SHANK2: variants seen among roughly 807,000 people sequenced by gnomAD.
The protein encoded by SHANK2 is SH3 and multiple ankyrin repeat domains protein 2.
SHANK2 carries 43 observed loss-of-function variants against 133.7 expected under a neutral mutation model. The ratio of observed to expected loss-of-function variants is 0.32; its 90% confidence interval spans 0.25 to 0.41. The LOEUF (loss-of-function observed/expected upper bound fraction) is 0.41, where lower values mean the gene tolerates loss of function less well. Among genes scored for constraint, SHANK2 ranks in the 10% least tolerant of loss-of-function variants. The pLI is 1.00. For synonymous variants in SHANK2, 1,017 were observed against 952.8 expected (o/e 1.07, Z -1.24); for missense variants, 1,994 against 2,235.8 (o/e 0.89, Z 2.18).
Position 70,807,018 on chromosome 11 carries a change from G to A in SHANK2, c.1647C>T (p.Arg549=), listed in dbSNP as rs781896491. Residue 549 remains arginine, a synonymous_variant, in exon 13 of 26, where the codon CGC becomes CGT. Coordinates refer to ENST00000601538, the MANE Select transcript of SHANK2 (RefSeq NM_012309.5). This position sits in a 1 kb window ranked among gnomAD's most constrained non-coding sequence, Gnocchi z 4.8. ...GACACTGACCTTTGACCCTGTCACC[G>A]CGGTGAAGGGGGATCTCGCCGTCCA... is the stretch of plus-strand genomic sequence containing the variant. ...PQVDGEIPLH[R]GDRVKVLSIG... 162 of 717,674 alleles carry A rather than the reference G, an allele frequency of 2.3e-4. 1 individual carries two copies. The Middle Eastern group carries it at 8.7e-3, about 39-fold the overall frequency. 44.5% of individuals were successfully genotyped at this position (717,674 alleles called of 1,614,324 possible). A position where few individuals can be genotyped will look rare whatever the true frequency, so the allele number is the denominator to read the frequency against.
In SHANK2 at chr11:70,500,632, A is replaced by T. The variant is rs2059036388; in HGVS notation, c.2288-42T>A. Reference sequence around the variant, plus strand: ...GGACCGCCATGAGCCACCAGGATGCAGCGCCCGCCCGCAGCCTACACTCGG... The same window carrying T: ...GGACCGCCATGAGCCACCAGGATGCTGCGCCCGCCCGCAGCCTACACTCGG... On this transcript the variant is annotated intron_variant, in intron 20 of 25. Coordinates refer to ENST00000601538, the MANE Select transcript of SHANK2 (RefSeq NM_012309.5). This position sits in a 1 kb window ranked among gnomAD's most constrained non-coding sequence, Gnocchi z 4.5. The T allele has an allele frequency of 6.3e-7, 1 of 1,589,494 alleles. No homozygotes were observed. Among genetic ancestry groups the T allele is most frequent in the South Asian group, 1.1e-5 (1 of 87,162 alleles).
At chr11:71,109,536 G>A (rs975670079) in intron 6 of SHANK2, among the ~76,000 whole-genome samples, 17 of 152,220 alleles carry the variant, frequency 1.1e-4, no homozygotes, top group Non-Finnish European at 2.9e-5. Flanking sequence ...AGATGCATGG[G>A]TGCAGATGCC....
rs188796132 is a variant in SHANK2, at chr11:70,888,771, C to T, written c.1174+7730G>A. 3.6e-4 allele frequency among the ~76,000 whole-genome samples: 55 copies of T among 151,780 alleles called. 1 individual carries two copies. In the East Asian group the frequency reaches 5.4e-3, roughly 15 times the overall value. On this transcript the variant is annotated intron_variant, in intron 11 of 25. Transcript: ENST00000601538. ...GGTGGAGGTTGAAGTGAACTGAAAC[C>T]GCTCCACTGTACTCCAGCCTGGGCG... is the stretch of plus-strand genomic sequence containing the variant.
At chr11:71,176,396 A>T (rs527983772) in intron 2 of SHANK2, among the ~76,000 whole-genome samples, 2 of 152,342 alleles carry the variant, frequency 1.3e-5, no homozygotes, top group South Asian at 4.1e-4. Flanking sequence ...AGAAAATATG[A>T]CCCATAATGA....
At chr11:70,700,159 A>G (rs1292193579) in intron 14 of SHANK2, among the ~76,000 whole-genome samples, 2 of 152,078 alleles carry the variant, frequency 1.3e-5, no homozygotes, top group Non-Finnish European at 2.9e-5. Context: ...CCCCTTCCAC[A>G]CTGCTCCCCA....
intron 6 of SHANK2, among the ~76,000 whole-genome samples, chr11:71,101,793 G>A (rs1217339288): frequency 3.9e-5 from 6 of 152,196 alleles, no homozygotes; most frequent in South Asian, 4.1e-4. Context: ...CTAACTGAGC[G>A]GTGCGGGAGC....
At chr11:70,614,381 G>A (rs1490175113) in intron 17 of SHANK2, among the ~76,000 whole-genome samples, 2 of 151,036 alleles carry the variant, frequency 1.3e-5, no homozygotes, top group Non-Finnish European at 2.9e-5. Flanking sequence ...CGTGATCTCA[G>A]CTCACTGTAA....
At chr11:70,648,869 T>C (rs1053898787) in intron 17 of SHANK2, among the ~76,000 whole-genome samples, 7 of 152,138 alleles carry the variant, frequency 4.6e-5, no homozygotes, top group African/African-American at 1.4e-4. Context: ...TGGCCTGCCA[T>C]GTGCTCGGCT....
At chr11:70,730,098 C>T in intron 14 of SHANK2, among the ~76,000 whole-genome samples, 1 of 151,964 alleles carries the variant, frequency 6.6e-6, no homozygotes, top group East Asian at 1.9e-4. Context: ...CTTAGAAGGG[C>T]CTTGGAGAGG....
chr11:71,141,573 G>A (rs1952554849), intron 3 of SHANK2, among the ~76,000 whole-genome samples: 2 of 152,090 alleles, frequency 1.3e-5, no homozygotes, highest in Admixed American at 1.3e-4. Context: ...ATAATTGTGA[G>A]GCCTCCCCAG....
Position 70,529,060 on chromosome 11 carries a change from T to TG in SHANK2, c.2062-26130dup, listed in dbSNP as rs373986153. ...GAGCCTGGCTTGGGGCGGAACTCAG[T>TG]GGGGTTCAGACACCCTGGTCACTTA... is the stretch of plus-strand genomic sequence containing the variant. On this transcript the variant is annotated intron_variant, in intron 17 of 25. Transcript: ENST00000601538. Among the ~76,000 whole-genome samples the TG allele has an allele frequency of 6.8e-4, 103 of 152,058 alleles. 1 individual carries two copies. Among genetic ancestry groups the TG allele is most frequent in the African/African-American group, 2.1e-3 (89 of 41,492 alleles).
intron 2 of SHANK2, among the ~76,000 whole-genome samples, chr11:71,170,679 G>A (rs1298178246): frequency 6.6e-6 from 1 of 152,218 alleles, no homozygotes; most frequent in East Asian, 1.9e-4. Flanking sequence ...GGTGGGCACT[G>A]AGGGATGTGT....
chr11:71,147,110 C>T lies in SHANK2; in HGVS notation c.207+10G>A, dbSNP rs1555106833. On this transcript the variant is annotated intron_variant, in intron 3 of 25. Coordinates refer to ENST00000601538, the MANE Select transcript of SHANK2 (RefSeq NM_012309.5). Reference sequence around the variant, plus strand: ...CAGATGTGAACCAAAGGGCAGACCACGGGGCTCACCGTCTGCTGCAGGTCA... The same window carrying T: ...CAGATGTGAACCAAAGGGCAGACCATGGGGCTCACCGTCTGCTGCAGGTCA... 3 of 1,542,116 alleles carry T rather than the reference C, an allele frequency of 1.9e-6. No homozygotes were observed. Among genetic ancestry groups the T allele is most frequent in the South Asian group, 1.2e-5 (1 of 83,534 alleles).
intron 2 of SHANK2, among the ~76,000 whole-genome samples, chr11:71,199,238 T>C (rs1555116691): frequency 6.6e-6 from 1 of 152,198 alleles, no homozygotes; most frequent in East Asian, 1.9e-4. Context: ...CCCCTCCAAC[T>C]GTAAAATGGG....
chr11:71,063,479 C>T (rs1372818335), intron 9 of SHANK2, among the ~76,000 whole-genome samples: 4 of 152,184 alleles, frequency 2.6e-5, no homozygotes, highest in South Asian at 2.1e-4. Flanking sequence ...CCCATCTACC[C>T]GCTCCTTCTG....
intron 5 of SHANK2, among the ~76,000 whole-genome samples, chr11:71,113,046 C>T (rs560873744): frequency 2.6e-5 from 4 of 152,292 alleles, no homozygotes; most frequent in South Asian, 4.1e-4. Context: ...CCTGGAGCAG[C>T]CAGTAGGATC....
chr11:70,612,475 T>A (rs2060673007), intron 17 of SHANK2, among the ~76,000 whole-genome samples: 1 of 152,226 alleles, frequency 6.6e-6, no homozygotes, highest in Admixed American at 6.5e-5. Context: ...TGCATACATA[T>A]TCTTGGGGGT....
intron 11 of SHANK2, among the ~76,000 whole-genome samples, chr11:70,877,952 G>A (rs1385796501): frequency 6.6e-6 from 1 of 152,334 alleles, no homozygotes; most frequent in African/African-American, 2.4e-5. Context: ...GGTTGGGTGT[G>A]CTGGGGAAAA....
intron 17 of SHANK2, among the ~76,000 whole-genome samples, chr11:70,617,252 T>G (rs909847776): frequency 6.6e-6 from 1 of 151,508 alleles, no homozygotes; most frequent in Non-Finnish European, 1.5e-5. Context: ...TCACTGAGAG[T>G]GCATGTGTGT....
Sources: allele counts gnomAD v4.1 joint callset (sites outside exome capture counted in the v4.1 genomes callset), GRCh38; gene constraint gnomAD v4.1.1; non-coding constraint Gnocchi (gnomAD v3.1); transcripts MANE v1.5; gene names NCBI Gene and HGNC (gene_info 2026-07-23, HGNC 2026-07-21).